Variants in PARP15 observed in about 807,000 individuals in gnomAD.
PARP15 encodes the protein poly(ADP-ribose) polymerase family member 15, also known as protein mono-ADP-ribosyltransferase PARP15.
Under a neutral mutation model 62.1 loss-of-function variants are expected in PARP15, and 50 were observed. That is an observed-to-expected ratio of 0.81 (90% CI 0.64 to 1.02). The LOEUF (loss-of-function observed/expected upper bound fraction) is 1.02, where lower values mean the gene tolerates loss of function less well. Among genes scored for constraint, PARP15 ranks in the 50% least tolerant of loss-of-function variants. The pLI, the probability that PARP15 is intolerant of heterozygous loss-of-function variation, is 0.00. For synonymous variants in PARP15, 309 were observed against 293.1 expected, an observed-to-expected ratio of 1.05 and a Z score of -0.55; for missense variants, 820 against 826.5, an observed-to-expected ratio of 0.99 and a Z score of 0.10.
intron 1 of PARP15, among the ~76,000 whole-genome samples, chr3:122,597,680 G>A (rs1396747004): frequency 6.6e-6 from 1 of 152,092 alleles, no homozygotes; most frequent in Admixed American, 6.5e-5. Flanking sequence ...TGCAATATGT[G>A]CATTCGCTGC....
At chr3:122,634,846 GA>G (rs1479417506) in intron 10 of PARP15, among the ~76,000 whole-genome samples, 173 bp from the exon 11 acceptor site, 2 of 152,236 alleles carry the variant, frequency 1.3e-5, no homozygotes, top group East Asian at 1.9e-4. Context: ...TCTAAAGGCA[GA>G]AAGCTGCCTA....
chr3:122,617,675 G>A (rs757609682), intron 6 of PARP15, among the ~76,000 whole-genome samples: 4 of 151,894 alleles, frequency 2.6e-5, no homozygotes, highest in Admixed American at 1.3e-4. Context: ...TAACACATTC[G>A]GGCAGGCCCT....
Position 122,613,416 on chromosome 3 carries a change from T to C in PARP15, c.771+148T>C, listed in dbSNP as rs1322000523. On this transcript the variant is annotated intron_variant, in intron 4 of 11. Coordinates refer to ENST00000464300, the MANE Select transcript of PARP15 (RefSeq NM_001113523.3). ...GGGAGGTTGTCATATGACTTAACTA[T>C]GAGCCAACACTGATAACTCATGTTC... The C allele has an allele frequency of 5.4e-5, 37 of 685,452 alleles. No individual in the cohort carries two copies. The East Asian group carries it at 1.0e-3, about 19-fold the overall frequency. The allele number at this position is 685,452 out of a possible 1,614,324, so 42.5% of individuals were successfully genotyped here. A position where few individuals can be genotyped will look rare whatever the true frequency, so the allele number is the denominator to read the frequency against.
intron 10 of PARP15, 77 bp downstream of exon 10, chr3:122,632,296 C>G: frequency 7.4e-7 from 1 of 1,358,296 alleles, no homozygotes; most frequent in Non-Finnish European, 1.0e-6. Context: ...AAATAACACC[C>G]TTCCTTCCTT....
At chr3:122,593,633 A>C (rs1233172859) in intron 1 of PARP15, among the ~76,000 whole-genome samples, 1 of 152,188 alleles carries the variant, frequency 6.6e-6, no homozygotes, top group Non-Finnish European at 1.5e-5. Context: ...AATGATACTA[A>C]TGTATAGGAC....
At chr3:122,617,902 T>C (rs537911596) in intron 6 of PARP15, among the ~76,000 whole-genome samples, 19 of 152,280 alleles carry the variant, frequency 1.2e-4, no homozygotes, top group African/African-American at 4.6e-4. Flanking sequence ...TATTTATTTA[T>C]TTATTTTTTA....
chr3:122,613,443 T>C (rs1397006382), intron 4 of PARP15, among the ~76,000 whole-genome samples, 175 bp downstream of exon 4: 1 of 152,228 alleles, frequency 6.6e-6, no homozygotes, highest in East Asian at 1.9e-4. Context: ...CTCATGTTCC[T>C]AGACAGTTCA....
intron 1 of PARP15, among the ~76,000 whole-genome samples, chr3:122,605,631 T>C (rs1336155931): frequency 6.6e-6 from 1 of 152,218 alleles, no homozygotes; most frequent in African/African-American, 2.4e-5. Flanking sequence ...TGGAGTGCAG[T>C]GGTGCCATCA....
In PARP15 at chr3:122,638,515, CATT is replaced by C. The variant is rs1337923209; in HGVS notation, c.*2416_*2418del. The C allele has an allele frequency of 6.6e-6, 1 of 152,196 alleles. No individual in the cohort carries two copies. The highest frequency in any genetic ancestry group is 2.4e-5 in the African/African-American group (1 of 41,442). 9.4% of individuals were successfully genotyped at this position (152,196 alleles called of 1,614,324 possible). A position where few individuals can be genotyped will look rare whatever the true frequency, so the allele number is the denominator to read the frequency against. On this transcript the variant is annotated 3_prime_UTR_variant, in exon 12 of 12. Transcript: ENST00000464300. Reference sequence around the variant, plus strand: ...TTCTAACGGGTGTGGGATGGTATCTCATTGTTGTTTTGATTTGCATTTCTCTGA... The same window carrying C: ...TTCTAACGGGTGTGGGATGGTATCTCGTTGTTTTGATTTGCATTTCTCTGA...
chr3:122,600,301 T>G (rs939886171), intron 1 of PARP15, among the ~76,000 whole-genome samples: 7 of 152,072 alleles, frequency 4.6e-5, no homozygotes, highest in Non-Finnish European at 1.0e-4. Flanking sequence ...ACCAGACCAC[T>G]AAGTGATGGT....
chr3:122,600,763 A>G (rs1264494598), intron 1 of PARP15, among the ~76,000 whole-genome samples: 1 of 151,534 alleles, frequency 6.6e-6, no homozygotes, highest in South Asian at 2.1e-4. Flanking sequence ...GTATGTTTCT[A>G]TTAGTATTGC....
At chr3:122,616,121 T>G (rs778418322) in intron 5 of PARP15, among the ~76,000 whole-genome samples, 1 of 152,162 alleles carries the variant, frequency 6.6e-6, no homozygotes, top group Non-Finnish European at 1.5e-5. Context: ...ACACTATACT[T>G]TACTGATTGC....
chr3:122,601,036 G>GTTTTTTTTTTGTTTTTTTTTTT (rs1934748778), intron 1 of PARP15, among the ~76,000 whole-genome samples: 1 of 73,036 alleles, frequency 1.4e-5, no homozygotes, highest in African/African-American at 8.2e-5. Context: ...GTCTTTTATG[G>GTTTTTTTTTTGTTTTTTTTTTT]TTTTTTTTTT....
At chr3:122,626,709 A>T in intron 8 of PARP15, 118 bp from the exon 9 acceptor site, 1 of 847,124 alleles carries the variant, frequency 1.2e-6, no homozygotes, top group Non-Finnish European at 1.8e-6. Context: ...TGAGTGTCAG[A>T]TCAATTCCTG....
intron 1 of PARP15, among the ~76,000 whole-genome samples, chr3:122,587,287 T>C (rs185878960): frequency 1.2e-4 from 19 of 152,282 alleles, no homozygotes; most frequent in African/African-American, 4.3e-4. Context: ...TGGGCAAAAG[T>C]TGTCAAGTCA....
intron 6 of PARP15, among the ~76,000 whole-genome samples, chr3:122,618,986 A>G (rs1936164735): frequency 6.6e-6 from 1 of 152,216 alleles, no homozygotes; most frequent in East Asian, 1.9e-4. Flanking sequence ...TTGAAAAGAG[A>G]TTTTTTTAAA....
At chr3:122,626,693 T>C in intron 8 of PARP15, 134 bp from the exon 9 acceptor site, 3 of 718,070 alleles carry the variant, frequency 4.2e-6, no homozygotes, top group South Asian at 3.8e-5. Flanking sequence ...GAACACCAAC[T>C]AGCTGTGAGT....
At chr3:122,583,885 G>A (rs975876227) in intron 1 of PARP15, among the ~76,000 whole-genome samples, 1 of 152,168 alleles carries the variant, frequency 6.6e-6, no homozygotes, top group African/African-American at 2.4e-5. Context: ...CCAGTACTCT[G>A]ACTTGTAATT....
chr3:122,579,668 T>C (rs77532808), intron 1 of PARP15, among the ~76,000 whole-genome samples: 22,767 of 152,100 alleles, frequency 0.15, 2,245 homozygotes, highest in Admixed American at 0.23. Context: ...TTTTTCATTA[T>C]TTGAATTCTT....
Sources: gnomAD v4.1 joint callset for allele counts (sites outside exome capture counted in the v4.1 genomes callset) on GRCh38, gnomAD v4.1.1 for gene constraint, MANE v1.5 for transcripts, NCBI Gene and HGNC (gene_info 2026-07-23, HGNC 2026-07-21) for gene names.